Variants in TTPA observed in about 807,000 individuals in gnomAD.
The protein encoded by TTPA is alpha tocopherol transfer protein, also known as alpha-tocopherol transfer protein.
TTPA carries 23 observed loss-of-function variants against 25.9 expected under a neutral mutation model. The ratio of observed to expected loss-of-function variants is 0.89; its 90% CI spans 0.64 to 1.26. The LOEUF (loss-of-function observed/expected upper bound fraction) is 1.26, where lower values mean the gene tolerates loss of function less well. TTPA is among the 50% of genes most tolerant of loss of function. TTPA has a pLI of 0.00. For missense variants in TTPA, 337 were observed against 353.1 expected, an observed-to-expected ratio of 0.95 and a Z score of 0.37; for synonymous variants, 148 against 137.3, an observed-to-expected ratio of 1.08 and a Z score of -0.54.
chr8:63,081,842 C>A (rs548064510), intron 1 of TTPA, among the ~76,000 whole-genome samples: 1 of 152,134 alleles, frequency 6.6e-6, no homozygotes, highest in Admixed American at 6.5e-5. Context: ...TCCTATACAC[C>A]AATAACGGAC....
At chr8:63,065,845 A>G (rs1805380088) in intron 3 of TTPA, 59 bp downstream of exon 3, 3 of 1,564,904 alleles carry the variant, frequency 1.9e-6, no homozygotes, top group African/African-American at 2.7e-5. Context: ...CTAACATATA[A>G]CAAAATTTAA....
chr8:63,066,317 C>A (rs560633285), intron 2 of TTPA, among the ~76,000 whole-genome samples: 1 of 151,998 alleles, frequency 6.6e-6, no homozygotes, highest in African/African-American at 2.4e-5. Flanking sequence ...AAGAGTATTG[C>A]GGAAAAAGGA....
At chr8:63,061,483 A>T in intron 4 of TTPA, 58 bp from the exon 5 acceptor site, 1 of 1,509,226 alleles carries the variant, frequency 6.6e-7, no homozygotes, top group Non-Finnish European at 9.2e-7. Context: ...CCAGTGGAAA[A>T]TCAACCTCAT....
At chr8:63,068,437 G>A (rs1805431085) in intron 2 of TTPA, among the ~76,000 whole-genome samples, 1 of 152,210 alleles carries the variant, frequency 6.6e-6, no homozygotes, top group Non-Finnish European at 1.5e-5. Flanking sequence ...TTGTTGAGAG[G>A]TTAAGTGAAA....
intron 1 of TTPA, among the ~76,000 whole-genome samples, chr8:63,081,486 G>A (rs1266773722): frequency 1.3e-5 from 2 of 152,088 alleles, no homozygotes; most frequent in Admixed American, 6.6e-5. Context: ...TTTATGGAAC[G>A]TATCTCAAAA....
intron 2 of TTPA, among the ~76,000 whole-genome samples, chr8:63,069,400 G>A (rs974625692): frequency 5.3e-5 from 8 of 151,892 alleles, no homozygotes; most frequent in African/African-American, 1.7e-4. Flanking sequence ...TAATATGGTA[G>A]CCATTAGCCA....
chr8:63,073,034 G>C lies in TTPA; in HGVS notation c.259C>G (p.Leu87Val), dbSNP rs759510197. The C allele has an allele frequency of 1.9e-6, 3 of 1,613,534 alleles. No individual in the cohort carries two copies. Among genetic ancestry groups the C allele is most frequent in the Admixed American group, 3.3e-5 (2 of 60,016 alleles). The change falls in exon 2 of 5, where the codon CTA (leucine) becomes GTA (valine). Residue 87 changes from leucine (L) to valine (V), a missense_variant. Physicochemically the swap from Leu to Val is conservative, Grantham distance 32. Transcript: ENST00000260116. ...RAECPEISAD[L>V]HPRSIIGLLK... is the part of the protein sequence containing the mutation. Reference sequence around the variant, plus strand: ...AGGCCAATAATACTTCTAGGGTGTAGATCTGCACTTATTTCTGGACATTCT... The same window carrying C: ...AGGCCAATAATACTTCTAGGGTGTACATCTGCACTTATTTCTGGACATTCT...
chr8:63,061,876 T>A (rs554835467), intron 4 of TTPA, among the ~76,000 whole-genome samples: 9 of 152,258 alleles, frequency 5.9e-5, no homozygotes, highest in African/African-American at 2.2e-4. Flanking sequence ...ACAATTTATA[T>A]GGTACAGTCG....
intron 1 of TTPA, among the ~76,000 whole-genome samples, chr8:63,077,872 A>G (rs572936126): frequency 2.9e-4 from 44 of 152,108 alleles, no homozygotes; most frequent in African/African-American, 5.8e-4. Context: ...TGGGTCCTTG[A>G]CCCCCATATA....
intron 1 of TTPA, among the ~76,000 whole-genome samples, chr8:63,078,447 T>C (rs1477402558): frequency 6.6e-6 from 1 of 151,958 alleles, no homozygotes; most frequent in Non-Finnish European, 1.5e-5. Flanking sequence ...TGAAAAAAGG[T>C]TAAACGAATG....
chr8:63,074,318 G>C (rs1805528973), intron 1 of TTPA, among the ~76,000 whole-genome samples: 1 of 152,120 alleles, frequency 6.6e-6, no homozygotes, highest in Non-Finnish European at 1.5e-5. Context: ...ACTGGTACAC[G>C]AGAGGGAGGA....
chr8:63,061,647 T>C (rs981192632), intron 4 of TTPA, among the ~76,000 whole-genome samples: 2 of 152,256 alleles, frequency 1.3e-5, no homozygotes, highest in Non-Finnish European at 2.9e-5. Context: ...TGCATTCTTA[T>C]AACTGCATAA....
chr8:63,083,678 T>C (rs1287409199), intron 1 of TTPA, among the ~76,000 whole-genome samples: 1 of 151,704 alleles, frequency 6.6e-6, no homozygotes, highest in East Asian at 1.9e-4. Context: ...CATTTTCAGT[T>C]AACTGGAAAG....
chr8:63,078,155 C>T (rs1805602215), intron 1 of TTPA, among the ~76,000 whole-genome samples: 1 of 152,202 alleles, frequency 6.6e-6, no homozygotes, highest in Non-Finnish European at 1.5e-5. Context: ...ACAAAAAGAA[C>T]ATCCACACCA....
chr8:63,075,698 CAAA>C (rs751066913), intron 1 of TTPA, among the ~76,000 whole-genome samples: 3 of 56,960 alleles, frequency 5.3e-5, no homozygotes, highest in African/African-American at 1.9e-4. Context: ...GACTCCGTCT[CAAA>C]AAAAAAAAAA....
chr8:63,065,354 C>T (rs1242077024), intron 3 of TTPA, among the ~76,000 whole-genome samples: 1 of 152,122 alleles, frequency 6.6e-6, no homozygotes, highest in African/African-American at 2.4e-5. Flanking sequence ...ATGTCATAGG[C>T]TCAGTGTGGA....
At chr8:63,062,162 A>G (rs1429910918) in intron 4 of TTPA, among the ~76,000 whole-genome samples, 3 of 152,070 alleles carry the variant, frequency 2.0e-5, no homozygotes, top group Non-Finnish European at 4.4e-5. Flanking sequence ...GCCACTGCAC[A>G]AAGTGAGGCC....
In TTPA at chr8:63,061,436, C is replaced by CA. The variant is rs777427548; in HGVS notation, c.664-12dup. The CA allele has an allele frequency of 1.1e-5, 18 of 1,613,448 alleles. No individual in the cohort carries two copies. Among genetic ancestry groups the CA allele is most frequent in the Non-Finnish European group, 1.5e-5 (18 of 1,179,804 alleles). ...CCCATGCATGTGAATCTGAAATAGCCAAAACACTTTAGAAGGAAACCGCAT... is the reference window on the plus strand; with the variant it reads ...CCCATGCATGTGAATCTGAAATAGCCAAAAACACTTTAGAAGGAAACCGCAT... On this transcript the variant is annotated splice_polypyrimidine_tract_variant and intron_variant, in intron 4 of 4. Transcript: ENST00000260116.
Position 63,072,935 on chromosome 8 carries a change from C to T in TTPA, c.358G>A (p.Ala120Thr), listed in dbSNP as rs143010236. The T allele has an allele frequency of 5.6e-5, 91 of 1,613,882 alleles. No homozygotes were observed. Among genetic ancestry groups the T allele is most frequent in the African/African-American group, 1.9e-4 (14 of 74,886 alleles). ...TGSKVLIYRI[A>T]HWDPKVFTAY... is the part of the protein sequence containing the mutation. ...AAAAAAAGAGTTGTGTATGACTTAC[C>T]GATTCTGTAAATAAGAACTTTGCTG... is the stretch of plus-strand genomic sequence containing the variant. Residue 120 changes from alanine to threonine, a missense_variant and splice_region_variant, in exon 2 of 5, where the codon GCA (alanine) becomes ACA (threonine). Transcript: ENST00000260116.
Sources: allele counts gnomAD v4.1 joint callset (sites outside exome capture counted in the v4.1 genomes callset), GRCh38; gene constraint gnomAD v4.1.1; transcripts MANE v1.5; gene names NCBI Gene and HGNC (gene_info 2026-07-23, HGNC 2026-07-21).